Variants in ITGAE observed in about 807,000 individuals in gnomAD.
ITGAE encodes the protein integrin subunit alpha E.
Under a neutral mutation model 136.5 loss-of-function variants are expected in ITGAE, and 99 were observed. The ratio of observed to expected loss-of-function variants is 0.73; its 90% CI spans 0.62 to 0.86. The LOEUF is 0.86. Among genes scored for constraint, ITGAE ranks in the 40% least tolerant of loss-of-function variants. ITGAE has a pLI of 0.00. For missense variants in ITGAE, 1,447 were observed against 1,515.3 expected (o/e 0.95, Z 0.75); for synonymous variants, 613 against 591.8 (o/e 1.04, Z -0.52).
At chr17:3,766,324 C>T (rs968351481) in intron 2 of ITGAE, among the ~76,000 whole-genome samples, 3 of 151,998 alleles carry the variant, frequency 2.0e-5, no homozygotes, top group Non-Finnish European at 1.5e-5. Context: ...GAATCAGAGT[C>T]GGAGAAAGTT....
intron 26 of ITGAE, chr17:3,725,062 A>C: frequency 6.2e-7 from 1 of 1,614,254 alleles, no homozygotes; most frequent in Non-Finnish European, 8.5e-7. Context: ...ACTCCTTTAC[A>C]GAATGTCTGC....
At chr17:3,731,277 T>G in intron 22 of ITGAE, 94 bp from the exon 23 acceptor site, 1 of 867,974 alleles carries the variant, frequency 1.2e-6, no homozygotes, top group Non-Finnish European at 1.9e-6. Context: ...TAGGAGACGA[T>G]TCCTCAGATT....
At chr17:3,777,377 T>A (rs1208306075) in intron 2 of ITGAE, among the ~76,000 whole-genome samples, 163 bp downstream of exon 2, 1 of 152,212 alleles carries the variant, frequency 6.6e-6, no homozygotes, top group African/African-American at 2.4e-5. Context: ...CCACAGCCTC[T>A]CTCACACCTT....
chr17:3,786,918 C>T (rs1317551885), intron 1 of ITGAE, among the ~76,000 whole-genome samples: 1 of 140,996 alleles, frequency 7.1e-6, no homozygotes, highest in Admixed American at 7.2e-5. Flanking sequence ...AAGCATGATA[C>T]ATCAAAACAA....
At chr17:3,775,860 C>CA (rs546598852) in intron 2 of ITGAE, among the ~76,000 whole-genome samples, 63 of 152,176 alleles carry the variant, frequency 4.1e-4, no homozygotes, top group African/African-American at 1.3e-3. Context: ...TCAGCTTTAC[C>CA]AGATACGGCA....
intron 1 of ITGAE, among the ~76,000 whole-genome samples, chr17:3,795,928 T>C (rs923455858): frequency 3.4e-5 from 5 of 145,220 alleles, no homozygotes; most frequent in African/African-American, 1.3e-4. Context: ...TGTGTGTGCA[T>C]CCGTGTGTGT....
chr17:3,784,239 A>G (rs55722017), intron 1 of ITGAE: 134,254 of 288,800 alleles, frequency 0.46, 32,317 homozygotes, highest in Non-Finnish European at 0.51. Flanking sequence ...CCGCCTGGGC[A>G]ACAGAGCAAG....
intron 26 of ITGAE, chr17:3,726,351 C>T (rs2143008789): frequency 1.3e-6 from 2 of 1,524,558 alleles, no homozygotes; most frequent in Non-Finnish European, 1.8e-6. Flanking sequence ...TATCTTACTG[C>T]CCCGAAATGA....
rs146730005 is a variant in ITGAE at position 3,726,071 on chromosome 17, C to T, written c.3084+1848G>A. The T allele has an allele frequency of 1.7e-5, 27 of 1,614,008 alleles. No homozygotes were observed. The East Asian group carries it at 1.8e-4, about 11-fold the overall frequency. Reference sequence around the variant, plus strand: ...TTTCCATGGATGAGGACCTGTTTACCGGTGACGGTGACTACCAGTTTGACA... The same window carrying T: ...TTTCCATGGATGAGGACCTGTTTACTGGTGACGGTGACTACCAGTTTGACA... On this transcript the variant is annotated intron_variant, in intron 26 of 30. Transcript: ENST00000263087.
intron 20 of ITGAE, among the ~76,000 whole-genome samples, chr17:3,736,394 CTCTT>C (rs1436223657): frequency 6.6e-6 from 1 of 152,148 alleles, no homozygotes; most frequent in African/African-American, 2.4e-5. Context: ...TACCCAAATC[CTCTT>C]TCTACCACCA....
intron 15 of ITGAE, 32 bp downstream of exon 15, chr17:3,751,618 G>C: frequency 6.3e-7 from 1 of 1,589,254 alleles, no homozygotes; most frequent in South Asian, 1.1e-5. Flanking sequence ...CAGAGCCCCA[G>C]AGGAGAGGAA....
intron 26 of ITGAE, among the ~76,000 whole-genome samples, chr17:3,727,542 G>GGCGCCCGCCACC (rs1434249943): frequency 1.3e-5 from 2 of 152,006 alleles, no homozygotes; most frequent in African/African-American, 2.4e-5. Context: ...TGGGACTACA[G>GGCGCCCGCCACC]GCGCCCGCCA....
intron 2 of ITGAE, among the ~76,000 whole-genome samples, chr17:3,766,141 G>A (rs893356627): frequency 9.9e-5 from 15 of 152,216 alleles, no homozygotes; most frequent in Admixed American, 1.3e-4. Context: ...TGGGCGAGCC[G>A]CAGGGACTCA....
chr17:3,797,315 G>C (rs559589551), intron 1 of ITGAE, among the ~76,000 whole-genome samples: 2 of 146,000 alleles, frequency 1.4e-5, no homozygotes, highest in East Asian at 4.0e-4. Flanking sequence ...ACAGGCACCC[G>C]CCACCATGCC....
At chr17:3,726,503 T>C (rs1272928376) in intron 26 of ITGAE, 1 of 602,568 alleles carries the variant, frequency 1.7e-6, no homozygotes, top group African/African-American at 1.9e-5. Context: ...TTTGTTGAAA[T>C]GTTTAAATTT....
At chr17:3,738,257 G>A (rs1567522255) in intron 20 of ITGAE, among the ~76,000 whole-genome samples, 2 of 135,112 alleles carry the variant, frequency 1.5e-5, no homozygotes, top group African/African-American at 2.8e-5. Context: ...TGCACCCTCC[G>A]CCTCCCGAGT....
chr17:3,797,165 T>A (rs879714900), intron 1 of ITGAE, among the ~76,000 whole-genome samples: 14,574 of 97,464 alleles, frequency 0.15, 1,158 homozygotes, highest in Middle Eastern at 0.24. Flanking sequence ...ATATTTTTTT[T>A]TTTTTTTTTT....
intron 28 of ITGAE, 187 bp from the exon 29 acceptor site, chr17:3,720,589 T>G: frequency 2.3e-6 from 1 of 429,618 alleles, no homozygotes; most frequent in South Asian, 3.1e-5. Context: ...ACTTCCTTTT[T>G]TTTTTTTTTT....
chr17:3,789,259 G>A (rs117182025), intron 1 of ITGAE, among the ~76,000 whole-genome samples: 203 of 151,792 alleles, frequency 1.3e-3, no homozygotes, highest in Non-Finnish European at 2.2e-3. Flanking sequence ...AAAAAGAAAC[G>A]AAAAAGAAAA....
Sources: allele counts gnomAD v4.1 joint callset (sites outside exome capture counted in the v4.1 genomes callset), GRCh38; gene constraint gnomAD v4.1.1; transcripts MANE v1.5; gene names NCBI Gene and HGNC (gene_info 2026-07-23, HGNC 2026-07-21).